SNX18: variants seen among roughly 807,000 people sequenced by gnomAD.
SNX18 encodes the protein sorting nexin-18.
SNX18 carries 35 observed loss-of-function variants against 48.7 expected under a neutral mutation model. The ratio of observed to expected loss-of-function variants is 0.72; its 90% CI spans 0.55 to 0.95. The LOEUF (loss-of-function observed/expected upper bound fraction) is 0.95, where lower values mean the gene tolerates loss of function less well. Ranked by LOEUF, SNX18 falls within the 40% of genes least tolerant of loss-of-function variation. SNX18 has a pLI of 0.00. For missense variants in SNX18, 824 were observed against 871.0 expected (o/e 0.95, Z 0.68); for synonymous variants, 492 against 384.7 (o/e 1.28, Z -3.26).
At chr5:54,540,227 T>G (rs919809393) in intron 1 of SNX18, among the ~76,000 whole-genome samples, 1 of 152,016 alleles carries the variant, frequency 6.6e-6, no homozygotes, top group Non-Finnish European at 1.5e-5. Context: ...TTTTTTCTTC[T>G]TTGAGATAGG....
chr5:54,624,372 G>C, the SNX18 span, among the ~76,000 whole-genome samples: 1 of 152,112 alleles, frequency 6.6e-6, no homozygotes, highest in Non-Finnish European at 1.5e-5. Context: ...AGTCTCCTTA[G>C]TACTTGGCTT....
chr5:54,645,814 G>C, the SNX18 span: 29 of 152,174 alleles, frequency 1.9e-4, no homozygotes, highest in African/African-American at 5.3e-4. Context: ...TTAATTTTGT[G>C]AACACCGGGT....
the SNX18 span, among the ~76,000 whole-genome samples, chr5:54,597,387 A>T: frequency 6.6e-6 from 1 of 151,700 alleles, no homozygotes; most frequent in Non-Finnish European, 1.5e-5. Context: ...GGCCAAGTTG[A>T]CCTGATAGAT....
At chr5:54,641,265 T>C in the SNX18 span, among the ~76,000 whole-genome samples, 3 of 152,228 alleles carry the variant, frequency 2.0e-5, no homozygotes, top group Non-Finnish European at 2.9e-5. Flanking sequence ...ATTGTTGTCA[T>C]ATCCTGATAA....
the SNX18 span, among the ~76,000 whole-genome samples, chr5:54,588,306 C>CTTTATTTTTTTTTT: frequency 5.4e-5 from 4 of 73,910 alleles, no homozygotes; most frequent in Non-Finnish European, 1.0e-4. Context: ...TATTTCTATT[C>CTTTATTTTTTTTTT]TTTTTTTTTT....
chr5:54,630,328 T>C, the SNX18 span, among the ~76,000 whole-genome samples: 2 of 152,174 alleles, frequency 1.3e-5, no homozygotes, highest in Admixed American at 6.6e-5. Context: ...TGTACCTGTG[T>C]GTGTGTGTGC....
the SNX18 span, among the ~76,000 whole-genome samples, chr5:54,626,445 T>C: frequency 6.6e-6 from 1 of 152,208 alleles, no homozygotes; most frequent in Admixed American, 6.5e-5. Context: ...CATGAGCCAC[T>C]GCACACAGCA....
the SNX18 span, among the ~76,000 whole-genome samples, chr5:54,553,681 G>T: frequency 6.6e-6 from 1 of 152,120 alleles, no homozygotes; most frequent in Non-Finnish European, 1.5e-5. Flanking sequence ...GAGGTCAGAC[G>T]CAGAAAACTG....
chr5:54,645,408 T>G, the SNX18 span: 9 of 152,368 alleles, frequency 5.9e-5, no homozygotes, highest in African/African-American at 1.7e-4. Context: ...TGCCCAGGTG[T>G]TCCGGGAAAA....
At chr5:54,633,266 G>A in the SNX18 span, among the ~76,000 whole-genome samples, 1 of 152,166 alleles carries the variant, frequency 6.6e-6, no homozygotes, top group African/African-American at 2.4e-5. Flanking sequence ...CAAATAGAAA[G>A]AGCAAAGGAC....
chr5:54,518,858 C>A lies in SNX18; in HGVS notation c.906C>A (p.Pro302=), dbSNP rs745760551. The change falls in exon 1 of 2, where the codon CCC becomes CCA. Residue 302 remains proline (P), a synonymous_variant. Coordinates refer to ENST00000381410, the MANE Select transcript of SNX18 (RefSeq NM_001102575.2). ...GCTACATCTCCTACAAGCTGGTGCCCACGCACACGCAGGTGCCGGTGCATC... is the reference window on the plus strand; with the variant it reads ...GCTACATCTCCTACAAGCTGGTGCCAACGCACACGCAGGTGCCGGTGCATC... ...MKSYISYKLV[P]THTQVPVHRR... 5.6e-6 allele frequency: 9 copies of A among 1,612,772 alleles called. No homozygotes were observed. The highest frequency in any genetic ancestry group is 3.3e-4 in the Middle Eastern group (2 of 6,074).
chr5:54,533,994 C>T (rs1235829465), intron 1 of SNX18, among the ~76,000 whole-genome samples: 2 of 152,044 alleles, frequency 1.3e-5, no homozygotes, highest in Non-Finnish European at 2.9e-5. Context: ...CAACAGGCCA[C>T]GCTGACCAAA....
At position 54,545,050 on chromosome 5, in the gene SNX18, C is replaced by G. The variant is rs1366795711; in HGVS notation, c.*1618C>G. 1 of 152,086 alleles carries G rather than the reference C, an allele frequency of 6.6e-6. No individual in the cohort carries two copies. Among genetic ancestry groups the G allele is most frequent in the Non-Finnish European group, 1.5e-5 (1 of 68,004 alleles). 9.4% of individuals were successfully genotyped at this position (152,086 alleles called of 1,614,324 possible). A position where few individuals can be genotyped will look rare whatever the true frequency, so the allele number is the denominator to read the frequency against. On this transcript the variant is annotated 3_prime_UTR_variant, in exon 2 of 2. Coordinates refer to ENST00000381410, the MANE Select transcript of SNX18 (RefSeq NM_001102575.2). Reference sequence around the variant, plus strand: ...AATTACTGAACAGCACATTTTCTCTCTAAAAAGTAGTTTCATATGGGTTGT... The same window carrying G: ...AATTACTGAACAGCACATTTTCTCTGTAAAAAGTAGTTTCATATGGGTTGT...
At chr5:54,642,253 C>T in the SNX18 span, among the ~76,000 whole-genome samples, 2 of 152,168 alleles carry the variant, frequency 1.3e-5, no homozygotes, top group East Asian at 1.9e-4. Flanking sequence ...CCTCTTTAAT[C>T]CCAGAGTTCG....
chr5:54,639,172 TA>T, the SNX18 span, among the ~76,000 whole-genome samples: 4 of 151,018 alleles, frequency 2.6e-5, no homozygotes, highest in Non-Finnish European at 5.9e-5. Flanking sequence ...CCTTCAGAGG[TA>T]ACAGTGGGTA....
At chr5:54,607,113 A>G in the SNX18 span, among the ~76,000 whole-genome samples, 1,348 of 152,320 alleles carry the variant, frequency 8.8e-3, 11 homozygotes, top group African/African-American at 0.029. Flanking sequence ...CTGGGTAATA[A>G]TAATGAGTCT....
Position 54,543,661 on chromosome 5 carries a change from C to T in SNX18, c.*229C>T, listed in dbSNP as rs1464161527. On this transcript the variant is annotated 3_prime_UTR_variant, in exon 2 of 2. Transcript: ENST00000381410. ...AACTAAATTATACTATGTATGCCTA[C>T]ACTACCATTGTAACTTTTGGAATAA... is the stretch of plus-strand genomic sequence containing the variant. 2.0e-6 allele frequency: 1 copy of T among 492,242 alleles called. No homozygotes were observed. Among genetic ancestry groups the T allele is most frequent in the Non-Finnish European group, 3.6e-6 (1 of 279,822 alleles). The allele number at this position is 492,242 out of a possible 1,614,324, so 30.5% of individuals were successfully genotyped here. A position where few individuals can be genotyped will look rare whatever the true frequency, so the allele number is the denominator to read the frequency against.
At chr5:54,534,851 C>T (rs1762323033) in intron 1 of SNX18, among the ~76,000 whole-genome samples, 1 of 152,034 alleles carries the variant, frequency 6.6e-6, no homozygotes, top group African/African-American at 2.4e-5. Context: ...AATATGTGCT[C>T]ATGGGCTACA....
At chr5:54,596,658 C>T in the SNX18 span, among the ~76,000 whole-genome samples, 1 of 152,170 alleles carries the variant, frequency 6.6e-6, no homozygotes, top group African/African-American at 2.4e-5. Context: ...TCCACAGCCA[C>T]CAACTGGCTG....
Sources: gnomAD v4.1 joint callset for allele counts (sites outside exome capture counted in the v4.1 genomes callset) on GRCh38, gnomAD v4.1.1 for gene constraint, MANE v1.5 for transcripts, NCBI Gene and HGNC (gene_info 2026-07-23, HGNC 2026-07-21) for gene names.